Variants in ATP2C1 observed in about 807,000 individuals in gnomAD.
The protein encoded by ATP2C1 is calcium-transporting ATPase type 2C member 1.
In ATP2C1, 31 loss-of-function variants were observed where a neutral mutation model predicts 120.5. The observed-to-expected ratio is 0.26, with a 90% CI of 0.19 to 0.35. ATP2C1 has a LOEUF of 0.35. Ranked by LOEUF, ATP2C1 falls within the 10% of genes least tolerant of loss-of-function variation. The pLI, the probability that ATP2C1 is intolerant of heterozygous loss-of-function variation, is 1.00. For missense variants in ATP2C1, 731 were observed against 1,107.5 expected (o/e 0.66, Z 4.83); for synonymous variants, 351 against 358.7 (o/e 0.98, Z 0.24).
Position 130,938,048 on chromosome 3 carries a change from CT to C in ATP2C1, c.360+586del, listed in dbSNP as rs2059744054. Among the ~76,000 whole-genome samples the C allele has an allele frequency of 1.1e-4, 17 of 152,330 alleles. 1 individual carries two copies. In the South Asian group the frequency reaches 3.5e-3, roughly 32 times the overall value. ...CTACTCATTGTTGGCATGACCTCCT[CT>C]CCCCTCCCTTTAAAACAATTTCTCA... On this transcript the variant is annotated intron_variant, in intron 6 of 27. Transcript: ENST00000510168.
At chr3:130,874,164 A>G (rs2068526268) in intron 1 of ATP2C1, among the ~76,000 whole-genome samples, 1 of 151,976 alleles carries the variant, frequency 6.6e-6, no homozygotes, top group Non-Finnish European at 1.5e-5. Context: ...TCTAGTGCCC[A>G]GGGCATGCAA....
intron 2 of ATP2C1, among the ~76,000 whole-genome samples, chr3:130,911,857 C>T (rs1276601800): frequency 2.1e-5 from 3 of 145,000 alleles, no homozygotes; most frequent in Admixed American, 7.0e-5. Context: ...AACTATACTA[C>T]AAGGCTACAG....
At chr3:130,997,459 G>T (rs923399884) in intron 24 of ATP2C1, 147 bp from the exon 25 acceptor site, 4 of 707,520 alleles carry the variant, frequency 5.7e-6, no homozygotes, top group Non-Finnish European at 9.4e-6. Context: ...TTATTTTTGC[G>T]TAATCAGCCA....
chr3:130,951,961 T>TTA (rs144401475), intron 8 of ATP2C1, among the ~76,000 whole-genome samples: 4,108 of 152,244 alleles, frequency 0.027, 191 homozygotes, highest in African/African-American at 0.093. Context: ...ATTTTTGCAG[T>TTA]TATGTTTGCC....
chr3:130,923,899 C>T (rs2059083361), intron 2 of ATP2C1, among the ~76,000 whole-genome samples: 1 of 148,156 alleles, frequency 6.7e-6, no homozygotes, highest in Non-Finnish European at 1.5e-5. Context: ...ACTACCTTTG[C>T]TTGCTTTTGG....
At chr3:130,912,321 CAAAATGGGAG>C (rs1241484233) in intron 2 of ATP2C1, among the ~76,000 whole-genome samples, 5 of 150,520 alleles carry the variant, frequency 3.3e-5, no homozygotes, top group Admixed American at 1.3e-4. Flanking sequence ...AGGAAACCTA[CAAAATGGGAG>C]AAAATTTTCG....
chr3:130,900,086 C>T (rs1289526504), intron 2 of ATP2C1, among the ~76,000 whole-genome samples: 1 of 151,584 alleles, frequency 6.6e-6, no homozygotes, highest in Non-Finnish European at 1.5e-5. Context: ...GAGATGGAGT[C>T]TCACTCTGTA....
In ATP2C1 at chr3:130,894,758, T is replaced by G; in HGVS notation, c.-12T>G. The G allele has an allele frequency of 6.2e-7, 1 of 1,614,164 alleles. No homozygotes were observed. Among genetic ancestry groups the G allele is most frequent in the Non-Finnish European group, 8.5e-7 (1 of 1,180,022 alleles). ...TTTGTAGCCATCAACCCGAGTGCAG[T>G]TTCGATGGAAAATGAAGGTAAAGGC... On this transcript the variant is annotated 5_prime_UTR_variant, in exon 2 of 28. Transcript: ENST00000510168. The surrounding 1 kb of genome is among the most constrained non-coding windows in gnomAD (Gnocchi z 4.5).
At chr3:130,948,820 CA>C (rs1012708982) in intron 8 of ATP2C1, among the ~76,000 whole-genome samples, 16 of 152,256 alleles carry the variant, frequency 1.1e-4, no homozygotes, top group African/African-American at 3.9e-4. Flanking sequence ...GTAATTCTCA[CA>C]GTATTTCGAA....
At chr3:130,915,380 T>C (rs1336782138) in intron 2 of ATP2C1, among the ~76,000 whole-genome samples, 2 of 152,248 alleles carry the variant, frequency 1.3e-5, no homozygotes, top group African/African-American at 4.8e-5. Context: ...AGGTATGAGC[T>C]ACTGCGCCCG....
chr3:130,957,506 G>A (rs951596306), intron 11 of ATP2C1, among the ~76,000 whole-genome samples: 9 of 151,820 alleles, frequency 5.9e-5, no homozygotes, highest in African/African-American at 1.2e-4. Context: ...TTTTCTTACC[G>A]TGTTAATTAT....
chr3:130,865,914 A>G (rs1008969701), intron 1 of ATP2C1, among the ~76,000 whole-genome samples: 1 of 152,126 alleles, frequency 6.6e-6, no homozygotes, highest in East Asian at 1.9e-4. Flanking sequence ...TTGATTTAAA[A>G]ATTTTTTAAC....
chr3:130,913,954 C>T (rs895736801), intron 2 of ATP2C1, among the ~76,000 whole-genome samples: 16 of 152,084 alleles, frequency 1.1e-4, no homozygotes, highest in Admixed American at 2.6e-4. Flanking sequence ...AAATAATGCC[C>T]TCTTCAGATT....
Position 130,894,667 on chromosome 3 carries a change from G to T in ATP2C1, c.-103G>T. 1 of 1,610,994 alleles carries T rather than the reference G, an allele frequency of 6.2e-7. No homozygotes were observed. Among genetic ancestry groups the T allele is most frequent in the South Asian group, 1.1e-5 (1 of 90,934 alleles). On this transcript the variant is annotated 5_prime_UTR_variant, in exon 2 of 28. Transcript: ENST00000510168. This position sits in a 1 kb window ranked among gnomAD's most constrained non-coding sequence, Gnocchi z 4.5. Reference sequence around the variant, plus strand: ...GGGGTGACAGCCTGGGATTCCGGGGGCTTCTCTTCCTTGTCCTCCTCCTCT... The same window carrying T: ...GGGGTGACAGCCTGGGATTCCGGGGTCTTCTCTTCCTTGTCCTCCTCCTCT...
In ATP2C1 at chr3:130,998,347, T is replaced by C. The variant is rs2062728788; in HGVS notation, c.2445T>C (p.Phe815=). The C allele has an allele frequency of 6.2e-7, 1 of 1,612,814 alleles. No individual in the cohort carries two copies. Among genetic ancestry groups the C allele is most frequent in the Non-Finnish European group, 8.5e-7 (1 of 1,178,952 alleles). ...PRDTTMTFTC[F]VFFDMFNALS... is the part of the protein sequence containing the mutation. ...ACACAACAATGACCTTCACATGCTT[T>C]GTGTTTTTTGACATGTTCAATGCAC... Residue 815 remains phenylalanine (F), a synonymous_variant, in exon 26 of 28, where the codon TTT becomes TTC. Coordinates refer to ENST00000510168, the MANE Select transcript of ATP2C1 (RefSeq NM_001378687.1).
At chr3:130,887,571 C>G (rs896958832) in intron 1 of ATP2C1, among the ~76,000 whole-genome samples, 21 of 152,224 alleles carry the variant, frequency 1.4e-4, no homozygotes, top group African/African-American at 5.1e-4. Flanking sequence ...TCTTCCCTCC[C>G]CTTTCCACAG....
intron 11 of ATP2C1, among the ~76,000 whole-genome samples, chr3:130,958,228 G>GT (rs201847178): frequency 0.014 from 2,176 of 150,274 alleles, 31 homozygotes; most frequent in Admixed American, 0.041. Flanking sequence ...GTCAGCAATT[G>GT]TTTTTTTTTG....
intron 1 of ATP2C1, among the ~76,000 whole-genome samples, chr3:130,865,159 C>G (rs2068129248): frequency 6.6e-6 from 1 of 152,202 alleles, no homozygotes; most frequent in African/African-American, 2.4e-5. Flanking sequence ...GGATGTGAGA[C>G]CTGGAGTCAA....
At chr3:130,927,521 G>A (rs1419381519) in intron 2 of ATP2C1, among the ~76,000 whole-genome samples, 9 of 152,164 alleles carry the variant, frequency 5.9e-5, no homozygotes, top group Admixed American at 1.3e-4. Flanking sequence ...GATTACAGGC[G>A]TGAACCACCA....
Sources: gnomAD v4.1 joint callset for allele counts (sites outside exome capture counted in the v4.1 genomes callset) on GRCh38, gnomAD v4.1.1 for gene constraint, Gnocchi (gnomAD v3.1) non-coding constraint, MANE v1.5 for transcripts, NCBI Gene and HGNC (gene_info 2026-07-23, HGNC 2026-07-21) for gene names.